Variants in ADGRL2 observed in about 807,000 individuals in gnomAD.
ADGRL2 encodes calcium-independent alpha-latrotoxin receptor 2.
Under a neutral mutation model 157.4 loss-of-function variants are expected in ADGRL2, and 44 were observed. The ratio of observed to expected loss-of-function variants is 0.28; its 90% CI spans 0.22 to 0.36. ADGRL2 has a LOEUF of 0.36. Among genes scored for constraint, ADGRL2 ranks in the 10% least tolerant of loss-of-function variants. The pLI is 1.00. For missense variants in ADGRL2, 1,510 were observed against 1,768.9 expected (o/e 0.85, Z 2.63); for synonymous variants, 585 against 624.7 (o/e 0.94, Z 0.95).
At chr1:81,453,721 A>G (rs2077745945) in intron 2 of ADGRL2, among the ~76,000 whole-genome samples, 1 of 152,180 alleles carries the variant, frequency 6.6e-6, no homozygotes, top group African/African-American at 2.4e-5. Flanking sequence ...TCCTGGCAGC[A>G]AATGATAAAA....
upstream of ADGRL2, among the ~76,000 whole-genome samples, chr1:81,695,320 T>C (rs928206070): frequency 2.0e-5 from 3 of 152,042 alleles, no homozygotes; most frequent in Admixed American, 1.3e-4. Context: ...TAAATAATAA[T>C]ACTTTATCAT....
At chr1:81,504,444 A>C (rs566666355) in intron 2 of ADGRL2, among the ~76,000 whole-genome samples, 45 of 152,256 alleles carry the variant, frequency 3.0e-4, no homozygotes, top group African/African-American at 1.0e-3. Flanking sequence ...AGTCTTCAGG[A>C]AGTATTTGCA....
chr1:81,803,563 C>T (rs145507964), intron 1 of ADGRL2, among the ~76,000 whole-genome samples: 1 of 152,166 alleles, frequency 6.6e-6, no homozygotes, highest in African/African-American at 2.4e-5. Flanking sequence ...CCTCTCCCCG[C>T]CCTCCATTCC....
At chr1:81,775,725 A>T (rs1557641318) in intron 2 of ADGRL2, among the ~76,000 whole-genome samples, 2 of 152,094 alleles carry the variant, frequency 1.3e-5, no homozygotes, top group Admixed American at 6.6e-5. Flanking sequence ...AGCCAGGAGC[A>T]CTCTGGGACT....
At chr1:81,788,157 G>C (rs1203034654) in intron 2 of ADGRL2, among the ~76,000 whole-genome samples, 1 of 152,164 alleles carries the variant, frequency 6.6e-6, no homozygotes, top group Non-Finnish European at 1.5e-5. Context: ...ACTTTGCCTT[G>C]GTTTTGAGGA....
In ADGRL2 at chr1:81,992,354, G is replaced by C. The variant is rs1021083213; in HGVS notation, c.*1209G>C. The C allele has an allele frequency of 6.6e-6, 1 of 152,124 alleles. No homozygotes were observed. Among genetic ancestry groups the C allele is most frequent in the African/African-American group, 2.4e-5 (1 of 41,258 alleles). The allele number at this position is 152,124 out of a possible 1,614,324, so 9.4% of individuals were successfully genotyped here. On this transcript the variant is annotated 3_prime_UTR_variant, in exon 24 of 24. Transcript: ENST00000686636. ...CTTTGTGTAAACCTGTTAATAATGA[G>C]CCCATCACTAATATCCAGTGTAAAG...
chr1:81,634,681 G>A lies in ADGRL2; in HGVS notation c.-143+53701G>A, dbSNP rs564463365. 9.9e-5 allele frequency among the ~76,000 whole-genome samples: 15 copies of A among 152,008 alleles called. No individual in the cohort carries two copies. In the South Asian group the frequency reaches 3.1e-3, roughly 32 times the overall value. On this transcript the variant is annotated intron_variant, in intron 3 of 24. Transcript: ENST00000370721. ...TGGGATTATAGGCACACGCCATCAC[G>A]TTTGGCTAATTTTGTATTTTTAGTA...
At chr1:81,731,303 T>C (rs948611014) in intron 1 of ADGRL2, among the ~76,000 whole-genome samples, 1 of 152,184 alleles carries the variant, frequency 6.6e-6, no homozygotes, top group Non-Finnish European at 1.5e-5. Flanking sequence ...CTACTTTTTT[T>C]CCCCTTAATT....
chr1:81,795,287 G>A (rs994175304), intron 2 of ADGRL2, among the ~76,000 whole-genome samples: 1 of 152,030 alleles, frequency 6.6e-6, no homozygotes, highest in African/African-American at 2.4e-5. Flanking sequence ...GACTGAGGTG[G>A]GAAGATTGCT....
chr1:81,577,580 C>G (rs545135028), intron 2 of ADGRL2, among the ~76,000 whole-genome samples: 6 of 152,272 alleles, frequency 3.9e-5, no homozygotes, highest in African/African-American at 1.4e-4. Flanking sequence ...CTTAAGCCTT[C>G]GCCTCTGCAA....
chr1:81,701,605 C>T (rs1286357119), intron 1 of ADGRL2, among the ~76,000 whole-genome samples: 1 of 152,024 alleles, frequency 6.6e-6, no homozygotes, highest in Non-Finnish European at 1.5e-5. Flanking sequence ...TGGACAACAC[C>T]CTAGGGGAAA....
chr1:81,355,394 G>A (rs933574037), intron 1 of ADGRL2, among the ~76,000 whole-genome samples: 2 of 151,900 alleles, frequency 1.3e-5, no homozygotes, highest in Non-Finnish European at 2.9e-5. Flanking sequence ...AAGAAACTTG[G>A]TATACAATTT....
chr1:81,509,331 T>C (rs1265783782), intron 2 of ADGRL2, among the ~76,000 whole-genome samples: 2 of 151,536 alleles, frequency 1.3e-5, no homozygotes, highest in African/African-American at 2.4e-5. Context: ...TCGTGGAAAA[T>C]CACTTAGAAT....
At chr1:81,824,108 C>G (rs10518664) in intron 1 of ADGRL2, among the ~76,000 whole-genome samples, 1 of 151,942 alleles carries the variant, frequency 6.6e-6, no homozygotes, top group Non-Finnish European at 1.5e-5. Context: ...CGTGACATTA[C>G]TTGTGCATTT....
intron 1 of ADGRL2, among the ~76,000 whole-genome samples, chr1:81,400,912 C>T (rs1482740390): frequency 1.3e-5 from 2 of 152,134 alleles, no homozygotes; most frequent in Non-Finnish European, 2.9e-5. Flanking sequence ...ATGTGAGGTA[C>T]TGCATCAGCT....
intron 2 of ADGRL2, among the ~76,000 whole-genome samples, chr1:81,562,904 A>C (rs1464914309): frequency 6.6e-5 from 10 of 152,144 alleles, no homozygotes. Context: ...CAAACCCATA[A>C]TCTTAACAAG....
chr1:81,337,741 G>A (rs1212812716), intron 1 of ADGRL2, among the ~76,000 whole-genome samples: 1 of 152,132 alleles, frequency 6.6e-6, no homozygotes, highest in East Asian at 1.9e-4. Flanking sequence ...TTGCTAAAGA[G>A]AGTTGCCATT....
At chr1:81,922,754 G>A (rs1414844054) in intron 3 of ADGRL2, among the ~76,000 whole-genome samples, 1 of 152,160 alleles carries the variant, frequency 6.6e-6, no homozygotes, top group East Asian at 1.9e-4. Context: ...AGTGGCTCAT[G>A]CCCATAGTCC....
At position 81,439,395 on chromosome 1, in the gene ADGRL2, C is replaced by G. The variant is rs550650938; in HGVS notation, c.-301-5641C>G. ...TGTGTGACCTTAGCAACCTTTCTGT[C>G]TCTCTTATTCCTAATTTAGGAAGTA... On this transcript the variant is annotated intron_variant, in intron 1 of 24. Coordinates refer to the ADGRL2 transcript ENST00000370721. Among the ~76,000 whole-genome samples the G allele has an allele frequency of 7.9e-5, 12 of 152,362 alleles. No homozygotes were observed. The East Asian group carries it at 2.3e-3, about 29-fold the overall frequency.
Sources: allele counts gnomAD v4.1 joint callset (sites outside exome capture counted in the v4.1 genomes callset), GRCh38; gene constraint gnomAD v4.1.1; transcripts MANE v1.5; gene names NCBI Gene and HGNC (gene_info 2026-07-23, HGNC 2026-07-21).